C12orf57: variants seen among roughly 807,000 people sequenced by gnomAD.
C12orf57 encodes chromosome 12 open reading frame 57.
Under a neutral mutation model 11.3 loss-of-function variants are expected in C12orf57, and 14 were observed. The ratio of observed to expected loss-of-function variants is 1.24; its 90% CI spans 0.82 to 1.94. The LOEUF is 1.94. Ranked by LOEUF, C12orf57 falls within the 30% of genes most tolerant of loss-of-function variation. The probability of loss-of-function intolerance (pLI) is 0.00; values close to 1 mark genes in which losing one functional copy is unlikely to be tolerated. For synonymous variants in C12orf57, 100 were observed against 74.6 expected (o/e 1.34, Z -1.76); for missense variants, 229 against 172.4 (o/e 1.33, Z -1.84).
chr12:6,944,139 C>T lies in C12orf57; in HGVS notation c.18C>T (p.Thr6=), dbSNP rs771436737. ...GACGCCCTATGGCGTCCGCCTCGAC[C>T]CAACCGGCGGCCTTGAGCGCTGAGC... MASAS[T]QPAALSAEQA... is the part of the protein sequence containing the mutation. The change falls in exon 1 of 3, where the codon ACC becomes ACT. Residue 6 remains threonine (T), a synonymous_variant. Coordinates refer to ENST00000229281, the MANE Select transcript of C12orf57 (RefSeq NM_138425.4). 2 of 1,614,242 alleles carry T rather than the reference C, an allele frequency of 1.2e-6. No homozygotes were observed. Among genetic ancestry groups the T allele is most frequent in the Non-Finnish European group, 1.7e-6 (2 of 1,180,046 alleles).
intron 2 of C12orf57, 195 bp downstream of exon 2, chr12:6,944,847 A>T (rs1945759728): frequency 3.5e-6 from 5 of 1,440,186 alleles, no homozygotes; most frequent in Non-Finnish European, 4.6e-6. Flanking sequence ...CGTTTTGTAC[A>T]GTAGAGGTTC....
rs199730337 is a variant in C12orf57 at position 6,944,654 on chromosome 12, T to TGGGTCAGACGCGGGAAGGC, written c.229+25_229+43dup. The TGGGTCAGACGCGGGAAGGC allele has an allele frequency of 1.8e-5, 29 of 1,610,468 alleles. No individual in the cohort carries two copies. The highest frequency in any genetic ancestry group is 3.3e-4 in the Middle Eastern group (2 of 6,074). ...ATGGCTTCAGCTGCGACGGGGAAGG[T>TGGGTCAGACGCGGGAAGGC]GGGTCAGACGCGGGAAGGCGGGTCA... is the stretch of plus-strand genomic sequence containing the variant. On this transcript the variant is annotated splice_region_variant and intron_variant, in intron 2 of 2. Transcript: ENST00000229281.
In C12orf57 at chr12:6,945,934, CCCTT is replaced by C; in HGVS notation, c.*13_*16del. On this transcript the variant is annotated 3_prime_UTR_variant, in exon 3 of 3. Coordinates refer to ENST00000229281, the MANE Select transcript of C12orf57 (RefSeq NM_138425.4). ...TGGCCGCCTCCTGAGAGTTGGCCCTCCCTTGTGCCACTGCCAGGGGAGGAAAGGC... is the reference window on the plus strand; with the variant it reads ...TGGCCGCCTCCTGAGAGTTGGCCCTCGTGCCACTGCCAGGGGAGGAAAGGC... 1 of 1,607,790 alleles carries C rather than the reference CCCTT, an allele frequency of 6.2e-7. No homozygotes were observed. Among genetic ancestry groups the C allele is most frequent in the Non-Finnish European group, 8.5e-7 (1 of 1,178,932 alleles).
upstream of C12orf57, chr12:6,943,985 CA>C (rs1306820294): frequency 5.7e-6 from 9 of 1,579,644 alleles, no homozygotes; most frequent in African/African-American, 1.1e-4. Context: ...AGGTTTGGGC[CA>C]CGCCTGGGCG....
chr12:6,944,147 C>T lies in C12orf57; in HGVS notation c.26C>T (p.Ala9Val), dbSNP rs782364371. The T allele has an allele frequency of 1.2e-5, 19 of 1,614,234 alleles. No individual in the cohort carries two copies. Among genetic ancestry groups the T allele is most frequent in the Middle Eastern group, 1.6e-4 (1 of 6,062 alleles). Residue 9 changes from alanine (A) to valine (V), a missense_variant, in exon 1 of 3, where the codon GCG becomes GTG. Ala to Val is a moderately conservative substitution (Grantham distance 64, BLOSUM62 0). Coordinates refer to ENST00000229281, the MANE Select transcript of C12orf57 (RefSeq NM_138425.4). MASASTQP[A>V]ALSAEQAKVV... ...ATGGCGTCCGCCTCGACCCAACCGGCGGCCTTGAGCGCTGAGCAAGCAAAG... is the reference window on the plus strand; with the variant it reads ...ATGGCGTCCGCCTCGACCCAACCGGTGGCCTTGAGCGCTGAGCAAGCAAAG...
chr12:6,943,817 A>T, upstream of C12orf57: 7 of 839,078 alleles, frequency 8.3e-6, no homozygotes, highest in South Asian at 1.8e-5. Flanking sequence ...CATACGCAGC[A>T]GTGTTACAGC....
chr12:6,944,646 GGGGAAGGTGGGTCAGACGC>G lies in C12orf57; in HGVS notation c.229+2_229+20del, dbSNP rs1565575071. ...CAAAGCCTATGGCTTCAGCTGCGAC[GGGGAAGGTGGGTCAGACGC>G]GGGAAGGCGGGTCAGACGCGGGAAG... On this transcript the variant is annotated splice_donor_variant and splice_donor_5th_base_variant and coding_sequence_variant and intron_variant, in exon 2 of 3. Coordinates refer to ENST00000229281, the MANE Select transcript of C12orf57 (RefSeq NM_138425.4). LOFTEE classifies it high-confidence loss of function. 5.0e-6 allele frequency: 8 copies of G among 1,611,430 alleles called. No homozygotes were observed. Among genetic ancestry groups the G allele is most frequent in the Admixed American group, 3.3e-5 (2 of 59,964 alleles).
chr12:6,943,833 T>A (rs782678781), upstream of C12orf57: 3 of 876,848 alleles, frequency 3.4e-6, no homozygotes, highest in Non-Finnish European at 4.8e-6. Flanking sequence ...ACAGCTCTTT[T>A]AGAATTTGTC....
rs1487900683 is a variant in C12orf57 at position 6,944,030 on chromosome 12, CTCCCAGGGGCGTTGGGA to C, written c.-91_-75del. 3 of 1,608,998 alleles carry C rather than the reference CTCCCAGGGGCGTTGGGA, an allele frequency of 1.9e-6. No homozygotes were observed. In the African/African-American group the frequency reaches 4.0e-5, roughly 21 times the overall value. On this transcript the variant is annotated 5_prime_UTR_variant, in exon 1 of 3. Coordinates refer to ENST00000229281, the MANE Select transcript of C12orf57 (RefSeq NM_138425.4). ...TGCGCCGGATGCTGTTTCCTTTCCG[CTCCCAGGGGCGTTGGGA>C]ACGGTTGTAGGACGTGGCTCTTTAT...
chr12:6,944,501 G>C lies in C12orf57; in HGVS notation c.78G>C (p.Ala26=), dbSNP rs782763223. The change falls in exon 2 of 3, where the codon GCG becomes GCC. Residue 26 remains alanine, a synonymous_variant. Transcript: ENST00000229281. ...AKVVLAEVIQ[A]FSAPENAVRM... is the part of the protein sequence containing the mutation. ...TGGTCCTCGCGGAGGTGATCCAGGC[G>C]TTCTCCGCCCCGGAGAATGCAGTGC... 6 of 1,613,076 alleles carry C rather than the reference G, an allele frequency of 3.7e-6. No individual in the cohort carries two copies. In the Admixed American group the frequency reaches 8.3e-5, roughly 22 times the overall value.
At chr12:6,944,875 ATGGT>A in intron 2 of C12orf57, 2 of 1,408,564 alleles carry the variant, frequency 1.4e-6, no homozygotes, top group Non-Finnish European at 1.8e-6. Context: ...CTTACCCGAA[ATGGT>A]TGGGACCGGA....
rs782065914 is a variant in C12orf57, at chr12:6,944,084, C to G, written c.-38C>G. ...ACGTGGCTCTTTATTCGTGAGTTTT[C>G]CATTTACCTCCGCTGAACCTAGAGC... On this transcript the variant is annotated 5_prime_UTR_variant, in exon 1 of 3. Transcript: ENST00000229281. 1 of 1,613,578 alleles carries G rather than the reference C, an allele frequency of 6.2e-7. No homozygotes were observed. The highest frequency in any genetic ancestry group is 8.5e-7 in the Non-Finnish European group (1 of 1,179,750).
chr12:6,944,691 GCGGGAGTTGGGT>G, intron 2 of C12orf57, 39 bp downstream of exon 2: 1 of 1,597,014 alleles, frequency 6.3e-7, no homozygotes, highest in South Asian at 1.1e-5. Context: ...ACGCGGGAAG[GCGGGAGTTGGGT>G]CGGGAGAGGG....
At chr12:6,943,934 A>G (rs985127361), upstream of C12orf57, 47 of 1,346,158 alleles carry the variant, frequency 3.5e-5, no homozygotes, top group Middle Eastern at 4.6e-4. Context: ...AATTATGGGT[A>G]GTTTTGGTGG....
chr12:6,944,294 G>C, intron 1 of C12orf57, 121 bp downstream of exon 1: 1 of 1,596,018 alleles, frequency 6.3e-7, no homozygotes, highest in Non-Finnish European at 8.5e-7. Flanking sequence ...CGTCCGCCGG[G>C]AAAATGGGGT....
Position 6,945,980 on chromosome 12 carries a change from A to G in C12orf57, c.*58A>G. Reference sequence around the variant, plus strand: ...AGGAAAGGCCTTGATGTTCCAGACAATAATAAATGCGCCTGTGACTTAGCC... The same window carrying G: ...AGGAAAGGCCTTGATGTTCCAGACAGTAATAAATGCGCCTGTGACTTAGCC... On this transcript the variant is annotated 3_prime_UTR_variant, in exon 3 of 3. Transcript: ENST00000229281. 2 of 1,557,426 alleles carry G rather than the reference A, an allele frequency of 1.3e-6. No individual in the cohort carries two copies. The highest frequency in any genetic ancestry group is 1.2e-5 in the South Asian group (1 of 86,488).
In C12orf57 at chr12:6,944,103, C is replaced by G. The variant is rs782016749; in HGVS notation, c.-19C>G. The G allele has an allele frequency of 9.3e-6, 15 of 1,614,064 alleles. No individual in the cohort carries two copies. In the African/African-American group the frequency reaches 1.1e-4, roughly 11 times the overall value. On this transcript the variant is annotated 5_prime_UTR_variant, in exon 1 of 3. Transcript: ENST00000229281. The stretch of plus-strand genomic sequence containing the variant: ...AGTTTTCCATTTACCTCCGCTGAAC[C>G]TAGAGCTTCAGACGCCCTATGGCGT...
intron 2 of C12orf57, 86 bp from the exon 3 acceptor site, chr12:6,945,685 G>T (rs2138241633): frequency 7.0e-7 from 1 of 1,433,022 alleles, no homozygotes. Flanking sequence ...TGGGGGAGCA[G>T]TTCATGCTTA....
At chr12:6,943,908 G>GT (rs782168016), upstream of C12orf57, 69 of 1,182,538 alleles carry the variant, frequency 5.8e-5, 1 homozygote, top group South Asian at 5.0e-4. Flanking sequence ...ATGATAGATT[G>GT]TTTTCACTGT....
Sources: gnomAD v4.1 joint callset for allele counts on GRCh38, gnomAD v4.1.1 for gene constraint, MANE v1.5 for transcripts, NCBI Gene and HGNC (gene_info 2026-07-23, HGNC 2026-07-21) for gene names.